GALNT13: variants seen among roughly 807,000 people sequenced by gnomAD.
GALNT13 encodes the protein polypeptide N-acetylgalactosaminyltransferase 13, also known as UDP-GalNAc:polypeptide N-acetylgalactosaminyltransferase 13.
In GALNT13, 28 loss-of-function variants were observed where a neutral mutation model predicts 64.2. The observed-to-expected ratio is 0.44, with a 90% CI of 0.32 to 0.60. GALNT13 has a LOEUF of 0.60. GALNT13 is among the 20% of genes least tolerant of loss of function. GALNT13 has a pLI of 0.05. For missense variants in GALNT13, 577 were observed against 669.8 expected (o/e 0.86, Z 1.53); for synonymous variants, 214 against 224.6 (o/e 0.95, Z 0.42).
At chr2:153,841,712 G>GA in the GALNT13 span, among the ~76,000 whole-genome samples, 2 of 152,070 alleles carry the variant, frequency 1.3e-5, no homozygotes, top group African/African-American at 2.4e-5. Flanking sequence ...TATGTTTTGA[G>GA]AAAATCACAA....
At chr2:153,304,458 C>T in the GALNT13 span, among the ~76,000 whole-genome samples, 5 of 152,126 alleles carry the variant, frequency 3.3e-5, no homozygotes, top group Non-Finnish European at 5.9e-5. Context: ...CTCAAGTATT[C>T]TCCAATTCAT....
the GALNT13 span, among the ~76,000 whole-genome samples, chr2:153,776,324 T>C: frequency 6.6e-6 from 1 of 152,234 alleles, no homozygotes; most frequent in Admixed American, 6.5e-5. Context: ...CAGTTGGTTG[T>C]GAATACAACT....
chr2:153,317,406 C>G, the GALNT13 span, among the ~76,000 whole-genome samples: 1 of 151,860 alleles, frequency 6.6e-6, no homozygotes, highest in East Asian at 1.9e-4. Context: ...ACCTGCTGAC[C>G]CTAAGTGTAA....
chr2:154,260,218 G>A (rs980075958), intron 8 of GALNT13, among the ~76,000 whole-genome samples: 5 of 151,878 alleles, frequency 3.3e-5, no homozygotes, highest in East Asian at 3.9e-4. Context: ...TTCCATCTTC[G>A]CCCAAAATAT....
chr2:153,771,453 C>T, the GALNT13 span, among the ~76,000 whole-genome samples: 3 of 152,034 alleles, frequency 2.0e-5, no homozygotes, highest in East Asian at 5.8e-4. Flanking sequence ...AAGGTAGGTA[C>T]ACCAAAAACC....
At chr2:153,683,107 G>A in the GALNT13 span, among the ~76,000 whole-genome samples, 7 of 151,726 alleles carry the variant, frequency 4.6e-5, no homozygotes, top group South Asian at 2.1e-4. Flanking sequence ...TAAAAGGATT[G>A]TATGCAGATC....
the GALNT13 span, among the ~76,000 whole-genome samples, chr2:153,138,952 C>T: frequency 6.6e-6 from 1 of 152,002 alleles, no homozygotes; most frequent in Non-Finnish European, 1.5e-5. Flanking sequence ...ACCACTTTTC[C>T]TGGAAATATT....
the GALNT13 span, among the ~76,000 whole-genome samples, chr2:153,700,120 G>A: frequency 9.2e-3 from 1,400 of 152,202 alleles, 24 homozygotes; most frequent in African/African-American, 0.032. Context: ...ACTGAATCCA[G>A]CAGCACATCA....
chr2:154,111,044 G>A (rs1373497927), intron 3 of GALNT13, among the ~76,000 whole-genome samples: 1 of 152,178 alleles, frequency 6.6e-6, no homozygotes, highest in Non-Finnish European at 1.5e-5. Context: ...CGTAGTACAA[G>A]TATACACAAA....
At chr2:153,469,629 A>G in the GALNT13 span, among the ~76,000 whole-genome samples, 2 of 152,082 alleles carry the variant, frequency 1.3e-5, no homozygotes, top group African/African-American at 4.8e-5. Context: ...AGAATTAGGA[A>G]TGTTTCCAAG....
At chr2:154,145,892 G>T (rs1683563585) in intron 4 of GALNT13, among the ~76,000 whole-genome samples, 1 of 151,906 alleles carries the variant, frequency 6.6e-6, no homozygotes, top group African/African-American at 2.4e-5. Context: ...GCACAAAGGA[G>T]AAATAGAAAA....
At chr2:153,703,443 T>G in the GALNT13 span, among the ~76,000 whole-genome samples, 2 of 152,156 alleles carry the variant, frequency 1.3e-5, no homozygotes, top group African/African-American at 2.4e-5. Context: ...ATGTAAATTT[T>G]TCTTCTATTT....
intron 3 of GALNT13, among the ~76,000 whole-genome samples, chr2:154,021,299 C>G (rs1386886610): frequency 6.6e-6 from 1 of 152,128 alleles, no homozygotes; most frequent in Non-Finnish European, 1.5e-5. Flanking sequence ...GGCAGTATGG[C>G]CATTTTCACA....
chr2:153,981,529 C>T (rs1275969957), intron 3 of GALNT13, among the ~76,000 whole-genome samples: 1 of 152,036 alleles, frequency 6.6e-6, no homozygotes, highest in Non-Finnish European at 1.5e-5. Context: ...CATCCATGTC[C>T]CTACAAAGGA....
the GALNT13 span, among the ~76,000 whole-genome samples, chr2:153,425,304 T>TACCCA: frequency 6.6e-6 from 1 of 151,714 alleles, no homozygotes; most frequent in African/African-American, 2.4e-5. Context: ...CAGTTATTCC[T>TACCCA]TTGTTTGCAA....
chr2:154,409,272 A>T (rs781411674), intron 11 of GALNT13, 190 bp downstream of exon 11: 36 of 583,712 alleles, frequency 6.2e-5, no homozygotes, highest in Non-Finnish European at 9.8e-5. Context: ...AAATTAAAAT[A>T]AAAAGAGCAA....
At chr2:153,284,204 TAC>T in the GALNT13 span, among the ~76,000 whole-genome samples, 1 of 152,042 alleles carries the variant, frequency 6.6e-6, no homozygotes, top group Non-Finnish European at 1.5e-5. Flanking sequence ...CACCCAGCAA[TAC>T]ACACACACAG....
At chr2:154,221,144 G>T (rs544948178) in intron 4 of GALNT13, among the ~76,000 whole-genome samples, 1 of 151,948 alleles carries the variant, frequency 6.6e-6, no homozygotes, top group Non-Finnish European at 1.5e-5. Context: ...GCACAAATTA[G>T]TATTGTCAGT....
chr2:153,593,390 A>C, the GALNT13 span: 6 of 152,170 alleles, frequency 3.9e-5, no homozygotes, highest in Non-Finnish European at 8.8e-5. Flanking sequence ...TGAGCTGGGA[A>C]TCTCACCCCC....
Sources: allele counts gnomAD v4.1 joint callset (sites outside exome capture counted in the v4.1 genomes callset), GRCh38; gene constraint gnomAD v4.1.1; transcripts MANE v1.5; gene names NCBI Gene and HGNC (gene_info 2026-07-23, HGNC 2026-07-21).